Variants in RICTOR observed in about 807,000 individuals in gnomAD.
RICTOR encodes the protein rapamycin-insensitive companion of mTOR.
RICTOR carries 49 observed loss-of-function variants against 214.9 expected under a neutral mutation model. That is an observed-to-expected ratio of 0.23 (90% confidence interval 0.18 to 0.29). The LOEUF (loss-of-function observed/expected upper bound fraction) is 0.29, where lower values mean the gene tolerates loss of function less well. RICTOR is among the 10% of genes least tolerant of loss of function. The pLI is 1.00. For missense variants in RICTOR, 1,625 were observed against 2,047.0 expected (o/e 0.79, Z 3.98); for synonymous variants, 717 against 711.3 (o/e 1.01, Z -0.13).
rs1353591042 is a variant in RICTOR, at chr5:39,073,436, A to G, written c.97+675T>C. 3.3e-5 allele frequency among the ~76,000 whole-genome samples: 5 copies of G among 152,174 alleles called. 1 individual carries two copies. Among genetic ancestry groups the G allele is most frequent in the Non-Finnish European group, 7.4e-5 (5 of 68,018 alleles). The stretch of plus-strand genomic sequence containing the variant: ...GGAAGGTGTAAACAAACCCATCTCC[A>G]CTGCAGAAGGTAAACAATGAACCTG... On this transcript the variant is annotated intron_variant, in intron 2 of 37. Coordinates refer to ENST00000357387, the MANE Select transcript of RICTOR (RefSeq NM_152756.5).
chr5:38,957,848 G>C, intron 24 of RICTOR, 118 bp from the exon 25 acceptor site: 1 of 546,010 alleles, frequency 1.8e-6, no homozygotes, highest in Non-Finnish European at 3.2e-6. Context: ...GGAATAGTTC[G>C]TTCCTAAAAC....
At chr5:38,954,902 T>C in intron 26 of RICTOR, 41 bp from the exon 27 acceptor site, 4 of 947,908 alleles carry the variant, frequency 4.2e-6, no homozygotes, top group Non-Finnish European at 6.6e-6. Context: ...TTGGCTAATT[T>C]AAATATGCTA....
At chr5:39,018,250 C>T (rs1021873489) in intron 3 of RICTOR, among the ~76,000 whole-genome samples, 2 of 152,092 alleles carry the variant, frequency 1.3e-5, no homozygotes, top group African/African-American at 4.8e-5. Flanking sequence ...AGGGCCCCCA[C>T]AATTTGGGCT....
intron 2 of RICTOR, among the ~76,000 whole-genome samples, chr5:39,028,404 G>A (rs1287937394): frequency 2.0e-5 from 3 of 151,664 alleles, no homozygotes; most frequent in African/African-American, 7.3e-5. Context: ...GGATGGTCTC[G>A]ATCTCCTGAC....
At chr5:39,001,272 C>T (rs528668388) in intron 5 of RICTOR, among the ~76,000 whole-genome samples, 4 of 152,150 alleles carry the variant, frequency 2.6e-5, no homozygotes, top group African/African-American at 9.6e-5. Context: ...GAGAACCCAA[C>T]AATAGATTGC....
Position 38,962,536 on chromosome 5 carries a change from T to A in RICTOR, c.1617A>T (p.Gln539His). 3 of 1,587,118 alleles carry A rather than the reference T, an allele frequency of 1.9e-6. No homozygotes were observed. The highest frequency in any genetic ancestry group is 2.6e-6 in the Non-Finnish European group (3 of 1,162,592). Residue 539 changes from glutamine to histidine, a missense_variant, in exon 18 of 38, where the codon CAA becomes CAT. Transcript: ENST00000357387. ...LINLRDSQVL[Q>H]HKENLEWNWN... ...AATTCCATTCAAGATTCTCTTTATG[T>A]TGAAGGACTTGGCTATCTCTAAGGT...
At chr5:38,990,270 C>T (rs1015019505) in intron 7 of RICTOR, among the ~76,000 whole-genome samples, 1 of 151,620 alleles carries the variant, frequency 6.6e-6, no homozygotes, top group Admixed American at 6.6e-5. Flanking sequence ...CATGTTGTCA[C>T]TCATAAGTGG....
In RICTOR at chr5:38,940,019, C is replaced by CTTTT; in HGVS notation, c.*2281_*2284dup. 3 of 201,786 alleles carry CTTTT rather than the reference C, an allele frequency of 1.5e-5. No homozygotes were observed. The highest frequency in any genetic ancestry group is 2.9e-5 in the Non-Finnish European group (3 of 102,656). 12.5% of individuals were successfully genotyped at this position (201,786 alleles called of 1,614,324 possible). A position where few individuals can be genotyped will look rare whatever the true frequency, so the allele number is the denominator to read the frequency against. The stretch of plus-strand genomic sequence containing the variant: ...ATAGCACTATAAATTTAAGCGTAGA[C>CTTTT]TTTTTTTTTTTTTTAGTATACTGAT... On this transcript the variant is annotated 3_prime_UTR_variant, in exon 38 of 38. Transcript: ENST00000357387.
At chr5:39,057,876 C>T (rs1197247005) in intron 2 of RICTOR, among the ~76,000 whole-genome samples, 1 of 152,056 alleles carries the variant, frequency 6.6e-6, no homozygotes, top group East Asian at 1.9e-4. Flanking sequence ...TAAATTAATA[C>T]TCATAGTTAA....
chr5:39,027,768 GAAC>G (rs200662151), intron 2 of RICTOR, among the ~76,000 whole-genome samples: 1,905 of 152,180 alleles, frequency 0.013, 18 homozygotes, highest in Middle Eastern at 0.037. Flanking sequence ...TAAGTATACA[GAAC>G]AATAGAAAGC....
chr5:39,027,359 G>A (rs1755915552), intron 2 of RICTOR, among the ~76,000 whole-genome samples: 2 of 151,908 alleles, frequency 1.3e-5, no homozygotes, highest in Non-Finnish European at 2.9e-5. Context: ...TTCTCTAAAT[G>A]AGTATAAAAA....
chr5:39,034,002 T>G (rs1033363206), intron 2 of RICTOR, among the ~76,000 whole-genome samples: 1 of 152,228 alleles, frequency 6.6e-6, no homozygotes, highest in East Asian at 1.9e-4. Flanking sequence ...TCTGCCTTTC[T>G]TTAATTCCAA....
intron 35 of RICTOR, 98 bp from the exon 36 acceptor site, chr5:38,944,667 A>AG: frequency 9.1e-7 from 1 of 1,102,648 alleles, no homozygotes; most frequent in East Asian, 2.4e-5. Flanking sequence ...AAAGACCTAG[A>AG]GATCAATTAC....
chr5:38,983,797 C>A (rs1036526862), intron 7 of RICTOR, among the ~76,000 whole-genome samples: 1 of 151,886 alleles, frequency 6.6e-6, no homozygotes, highest in Non-Finnish European at 1.5e-5. Flanking sequence ...CCCATCTCTA[C>A]TGAAAATACA....
At chr5:38,967,748 A>G (rs552385023) in intron 12 of RICTOR, among the ~76,000 whole-genome samples, 195 bp downstream of exon 12, 27 of 152,286 alleles carry the variant, frequency 1.8e-4, no homozygotes, top group Non-Finnish European at 3.7e-4. Context: ...CTTAGAGCCA[A>G]GGTGATAAAG....
chr5:38,944,800 C>T (rs981838879), intron 35 of RICTOR, 113 bp downstream of exon 35: 25 of 1,065,198 alleles, frequency 2.3e-5, no homozygotes, highest in Admixed American at 5.9e-5. Context: ...CTAAAATGGA[C>T]GTATTACTGT....
At chr5:38,961,163 T>C (rs1749764190) in intron 19 of RICTOR, among the ~76,000 whole-genome samples, 1 of 151,696 alleles carries the variant, frequency 6.6e-6, no homozygotes, top group African/African-American at 2.4e-5. Context: ...AAAAAATCTC[T>C]GTGGAGTAAG....
At chr5:38,966,978 T>C in intron 14 of RICTOR, 183 bp downstream of exon 14, 1 of 655,398 alleles carries the variant, frequency 1.5e-6, no homozygotes, top group Non-Finnish European at 2.7e-6. Flanking sequence ...TTTTTGTATT[T>C]TTAGTTGAGA....
At chr5:39,003,286 A>G (rs1753789530) in intron 4 of RICTOR, among the ~76,000 whole-genome samples, 1 of 152,186 alleles carries the variant, frequency 6.6e-6, no homozygotes, top group Non-Finnish European at 1.5e-5. Context: ...TTTAGTCTGC[A>G]AATTTCAGAT....
Sources: gnomAD v4.1 joint callset for allele counts (sites outside exome capture counted in the v4.1 genomes callset) on GRCh38, gnomAD v4.1.1 for gene constraint, MANE v1.5 for transcripts, NCBI Gene and HGNC (gene_info 2026-07-23, HGNC 2026-07-21) for gene names.